The following SHB variants were observed in gnomAD, a reference collection of about 807,000 sequenced individuals.
SHB encodes the protein SH2 domain-containing adapter protein B.
In SHB, 20 loss-of-function variants were observed where a neutral mutation model predicts 52.3. The observed-to-expected ratio is 0.38, with a 90% CI of 0.27 to 0.56. The LOEUF is 0.56. SHB is among the 20% of genes least tolerant of loss of function. The pLI, the probability that SHB is intolerant of heterozygous loss-of-function variation, is 0.71. For synonymous variants in SHB, 397 were observed against 316.5 expected (o/e 1.25, Z -2.70); for missense variants, 825 against 723.3 (o/e 1.14, Z -1.61).
At chr9:37,964,174 C>T (rs1832723677) in intron 3 of SHB, among the ~76,000 whole-genome samples, 1 of 152,180 alleles carries the variant, frequency 6.6e-6, no homozygotes, top group Non-Finnish European at 1.5e-5. Context: ...ACACACAGGC[C>T]TCAGGGCATT....
chr9:37,947,248 G>C (rs1407415594), intron 5 of SHB, among the ~76,000 whole-genome samples: 2 of 152,224 alleles, frequency 1.3e-5, no homozygotes. Flanking sequence ...TAGGCTAGAA[G>C]TTCCCTCTGC....
At chr9:37,980,860 G>A (rs1232549386) in intron 2 of SHB, among the ~76,000 whole-genome samples, 1 of 151,938 alleles carries the variant, frequency 6.6e-6, no homozygotes, top group African/African-American at 2.4e-5. Flanking sequence ...CAAGAACAGT[G>A]TCAATCAGCA....
chr9:37,979,915 C>T (rs1260251704), intron 2 of SHB, among the ~76,000 whole-genome samples: 1 of 152,172 alleles, frequency 6.6e-6, no homozygotes, highest in African/African-American at 2.4e-5. Flanking sequence ...ATACCACTGC[C>T]TTAAAAAAAT....
chr9:37,975,818 G>A (rs557920510), intron 2 of SHB, among the ~76,000 whole-genome samples: 11 of 152,124 alleles, frequency 7.2e-5, no homozygotes, highest in East Asian at 3.9e-4. Context: ...CATGCTTGGC[G>A]GCAAAGGGGG....
At chr9:38,039,086 A>C (rs1821532737) in intron 1 of SHB, among the ~76,000 whole-genome samples, 1 of 152,198 alleles carries the variant, frequency 6.6e-6, no homozygotes, top group African/African-American at 2.4e-5. Context: ...ACACTACAAA[A>C]AAGGGGTCGC....
At chr9:38,045,011 C>T (rs1821632082) in intron 1 of SHB, among the ~76,000 whole-genome samples, 1 of 152,220 alleles carries the variant, frequency 6.6e-6, no homozygotes, top group Non-Finnish European at 1.5e-5. Flanking sequence ...AAAGGTGTGA[C>T]ACACAAGTGA....
intron 1 of SHB, among the ~76,000 whole-genome samples, chr9:38,021,878 G>A (rs910312774): frequency 4.6e-5 from 7 of 152,182 alleles, no homozygotes; most frequent in Non-Finnish European, 7.3e-5. Context: ...CGTCGCATCT[G>A]CACATCCGCC....
At chr9:37,972,328 C>A (rs746577076) in intron 3 of SHB, among the ~76,000 whole-genome samples, 1 of 152,186 alleles carries the variant, frequency 6.6e-6, no homozygotes, top group Non-Finnish European at 1.5e-5. Context: ...GGGGACAGAC[C>A]TTGGGTTCCT....
intron 3 of SHB, among the ~76,000 whole-genome samples, chr9:37,972,402 T>C (rs1430318112): frequency 6.6e-6 from 1 of 152,124 alleles, no homozygotes; most frequent in Non-Finnish European, 1.5e-5. Context: ...ACTAAGGACC[T>C]ACAGCCACAG....
In SHB at chr9:37,979,319, C is replaced by T. The variant is rs147898864; in HGVS notation, c.839-4482G>A. ...CCTCTGGAGCAGAAAGGTTTGTAAA[C>T]AGAACTACATACATAGAAAGAAAAG... On this transcript the variant is annotated intron_variant, in intron 2 of 5. Coordinates refer to ENST00000377707, the MANE Select transcript of SHB (RefSeq NM_003028.3). Among the ~76,000 whole-genome samples, 25 of 152,276 alleles carry T rather than the reference C, an allele frequency of 1.6e-4. 3 individuals carry two copies. Among genetic ancestry groups the T allele is most frequent in the African/African-American group, 4.8e-4 (20 of 41,570 alleles).
chr9:38,009,055 G>C (rs1821105558), intron 2 of SHB, among the ~76,000 whole-genome samples: 1 of 152,190 alleles, frequency 6.6e-6, no homozygotes, highest in South Asian at 2.1e-4. Flanking sequence ...ATGAGAGGAA[G>C]GCTGAAGTCT....
chr9:37,978,236 C>A (rs1820677044), intron 2 of SHB, among the ~76,000 whole-genome samples: 1 of 152,230 alleles, frequency 6.6e-6, no homozygotes, highest in Non-Finnish European at 1.5e-5. Flanking sequence ...GCTATTAAAT[C>A]AGAGGACTTG....
intron 2 of SHB, among the ~76,000 whole-genome samples, chr9:38,012,000 C>T (rs1003308365): frequency 1.3e-5 from 2 of 152,132 alleles, no homozygotes; most frequent in Non-Finnish European, 2.9e-5. Context: ...GAACATACCT[C>T]CTGCCGGTGA....
intron 2 of SHB, among the ~76,000 whole-genome samples, chr9:38,013,404 C>T (rs1821167144): frequency 6.6e-6 from 1 of 152,112 alleles, no homozygotes; most frequent in African/African-American, 2.4e-5. Flanking sequence ...TCAGTCCAGA[C>T]CAGCCTAGAT....
At chr9:37,964,962 G>A (rs796761930) in intron 3 of SHB, among the ~76,000 whole-genome samples, 6 of 152,298 alleles carry the variant, frequency 3.9e-5, no homozygotes, top group African/African-American at 1.2e-4. Flanking sequence ...ACCTACACAC[G>A]TCTGATACAG....
At chr9:38,062,703 A>G (rs1174318183) in intron 1 of SHB, among the ~76,000 whole-genome samples, 1 of 152,210 alleles carries the variant, frequency 6.6e-6, no homozygotes, top group Non-Finnish European at 1.5e-5. Flanking sequence ...AGTGAGCCCA[A>G]CTGAGACTAG....
chr9:37,954,930 C>T (rs1832611224), intron 4 of SHB, among the ~76,000 whole-genome samples: 3 of 151,970 alleles, frequency 2.0e-5, no homozygotes, highest in Admixed American at 2.0e-4. Flanking sequence ...CTGCACAGTG[C>T]TGGGGGGCAG....
At chr9:38,018,506 G>GA (rs56253637) in intron 1 of SHB, among the ~76,000 whole-genome samples, 73,310 of 140,274 alleles carry the variant, frequency 0.52, 18,791 homozygotes, top group South Asian at 0.59. Context: ...TCCTTCCATT[G>GA]AAAAAAAAAA....
chr9:38,068,551 C>T lies in SHB; in HGVS notation c.95G>A (p.Arg32His), dbSNP rs1480663639. 1.2e-5 allele frequency: 17 copies of T among 1,458,226 alleles called. No individual in the cohort carries two copies. The Admixed American group carries it at 4.2e-4, about 36-fold the overall frequency. 90.3% of individuals were successfully genotyped at this position (1,458,226 alleles called of 1,614,324 possible). ...GGGCTGCGAAGGCCGCTCGCCTCGG[C>T]GCCGCTGCTCGCGGTAGTCTGGCCG... The part of the protein sequence containing the change: ...PPRPDYREQR[R>H]RGERPSQPPQ... The change falls in exon 1 of 6, where the codon CGC becomes CAC. Residue 32 changes from arginine (R) to histidine (H), a missense_variant. Coordinates refer to ENST00000377707, the MANE Select transcript of SHB (RefSeq NM_003028.3).
Sources: allele counts gnomAD v4.1 joint callset (sites outside exome capture counted in the v4.1 genomes callset), GRCh38; gene constraint gnomAD v4.1.1; transcripts MANE v1.5; gene names NCBI Gene and HGNC (gene_info 2026-07-23, HGNC 2026-07-21).